The following ARHGAP42 variants were observed in gnomAD, a reference collection of about 807,000 sequenced individuals.
The protein encoded by ARHGAP42 is Rho GTPase activating protein 42, also known as rho GTPase-activating protein 42.
ARHGAP42 carries 63 observed loss-of-function variants against 125.0 expected under a neutral mutation model. The ratio of observed to expected loss-of-function variants is 0.50; its 90% CI spans 0.41 to 0.62. The LOEUF (loss-of-function observed/expected upper bound fraction) is 0.62, where lower values mean the gene tolerates loss of function less well. Ranked by LOEUF, ARHGAP42 falls within the 20% of genes least tolerant of loss-of-function variation. The pLI, the probability that ARHGAP42 is intolerant of heterozygous loss-of-function variation, is 0.00. For missense variants in ARHGAP42, 766 were observed against 1,024.2 expected (o/e 0.75, Z 3.44); for synonymous variants, 339 against 351.0 (o/e 0.97, Z 0.38).
intron 4 of ARHGAP42, among the ~76,000 whole-genome samples, chr11:100,874,774 C>T (rs941364756): frequency 2.2e-4 from 33 of 152,264 alleles, no homozygotes; most frequent in East Asian, 3.9e-4. Context: ...CTTTCCTTCC[C>T]TTTGGGTAGG....
At chr11:100,901,265 T>G (rs574179314) in intron 4 of ARHGAP42, among the ~76,000 whole-genome samples, 1 of 152,336 alleles carries the variant, frequency 6.6e-6, no homozygotes, top group South Asian at 2.1e-4. Flanking sequence ...TATTGCTGCC[T>G]GATCCTTCCT....
chr11:100,694,303 T>C (rs1201646492), intron 1 of ARHGAP42, among the ~76,000 whole-genome samples: 3 of 152,180 alleles, frequency 2.0e-5, no homozygotes, highest in Non-Finnish European at 4.4e-5. Flanking sequence ...TTTCTCTAGA[T>C]TCATAAACAA....
chr11:100,989,307 G>A lies in ARHGAP42; in HGVS notation c.*506G>A, dbSNP rs116031838. 853 of 393,092 alleles carry A rather than the reference G, an allele frequency of 2.2e-3. 9 individuals carry two copies. Among genetic ancestry groups the A allele is most frequent in the African/African-American group, 0.016 (756 of 48,470 alleles). The allele number at this position is 393,092 out of a possible 1,614,324, so 24.4% of individuals were successfully genotyped here. On this transcript the variant is annotated 3_prime_UTR_variant, in exon 24 of 24. Coordinates refer to ENST00000298815, the MANE Select transcript of ARHGAP42 (RefSeq NM_152432.4). ...GTTTTGCTGGTCCTAAACATTTCAA[G>A]GATGTAAGTCTTTGTTTTAATATAA...
At chr11:100,771,791 C>T (rs544824976) in intron 2 of ARHGAP42, among the ~76,000 whole-genome samples, 25 of 152,072 alleles carry the variant, frequency 1.6e-4, no homozygotes, top group South Asian at 1.0e-3. Context: ...TTAGTAGAGA[C>T]GGGGTTTCAC....
intron 12 of ARHGAP42, among the ~76,000 whole-genome samples, chr11:100,952,745 T>TTTTTTTTTTTTTATG (rs1857698136): frequency 6.7e-6 from 1 of 149,276 alleles, no homozygotes; most frequent in Admixed American, 6.7e-5. Context: ...TTTTTTTTTT[T>TTTTTTTTTTTTTATG]GAGATGGAGT....
chr11:100,918,322 A>G (rs549324356), intron 5 of ARHGAP42, among the ~76,000 whole-genome samples: 2 of 152,306 alleles, frequency 1.3e-5, no homozygotes, highest in Admixed American at 6.5e-5. Flanking sequence ...TTGGGAAAAT[A>G]TCCAACAAAT....
intron 1 of ARHGAP42, among the ~76,000 whole-genome samples, chr11:100,766,468 TATG>T (rs1862831958): frequency 6.6e-6 from 1 of 152,244 alleles, no homozygotes; most frequent in South Asian, 2.1e-4. Context: ...GCCTTTCTAT[TATG>T]ATATGGATGA....
At chr11:100,755,122 G>A (rs571600623) in intron 1 of ARHGAP42, among the ~76,000 whole-genome samples, 1 of 152,212 alleles carries the variant, frequency 6.6e-6, no homozygotes, top group African/African-American at 2.4e-5. Flanking sequence ...TGGCAGATTA[G>A]TGAGTTAAAT....
At chr11:100,804,679 A>AT (rs1267087658) in intron 3 of ARHGAP42, among the ~76,000 whole-genome samples, 1 of 151,522 alleles carries the variant, frequency 6.6e-6, no homozygotes, top group Non-Finnish European at 1.5e-5. Context: ...TGCCCAGCTA[A>AT]TTTTTTGTAT....
chr11:100,781,446 T>C (rs1863308559), intron 2 of ARHGAP42, among the ~76,000 whole-genome samples: 2 of 152,214 alleles, frequency 1.3e-5, no homozygotes, highest in Admixed American at 6.5e-5. Context: ...GAAATGATTT[T>C]CTGAAGTCAC....
intron 15 of ARHGAP42, 33 bp downstream of exon 15, chr11:100,961,801 G>A (rs371166855): frequency 6.6e-7 from 1 of 1,523,844 alleles, no homozygotes; most frequent in Non-Finnish European, 8.9e-7. Flanking sequence ...TACTCTGGAT[G>A]TAATCTCTGA....
rs180971862 is a variant in ARHGAP42, at chr11:100,720,757, A to G, written c.154+32925A>G. 7.9e-5 allele frequency among the ~76,000 whole-genome samples: 12 copies of G among 152,288 alleles called. No homozygotes were observed. The East Asian group carries it at 2.3e-3, about 29-fold the overall frequency. ...TATTGCTTTTAAAAGTTTAAAATAT[A>G]CATATATACATGGTCCTTATTAGGC... is the stretch of plus-strand genomic sequence containing the variant. On this transcript the variant is annotated intron_variant, in intron 1 of 23. Coordinates refer to ENST00000298815, the MANE Select transcript of ARHGAP42 (RefSeq NM_152432.4).
chr11:100,823,231 A>C (rs1445570817), intron 3 of ARHGAP42, among the ~76,000 whole-genome samples: 1 of 152,202 alleles, frequency 6.6e-6, no homozygotes, highest in African/African-American at 2.4e-5. Flanking sequence ...ACTGGGAATC[A>C]ACATATTCCT....
intron 2 of ARHGAP42, among the ~76,000 whole-genome samples, chr11:100,776,272 GA>G (rs1419403848): frequency 6.6e-6 from 1 of 152,208 alleles, no homozygotes; most frequent in Admixed American, 6.5e-5. Flanking sequence ...GAAACCATTG[GA>G]AAGTCCAGTT....
At chr11:100,873,528 A>G (rs775174369) in intron 4 of ARHGAP42, among the ~76,000 whole-genome samples, 36 of 152,222 alleles carry the variant, frequency 2.4e-4, no homozygotes, top group Non-Finnish European at 4.3e-4. Context: ...TGAAGGCAGA[A>G]TTAGTGAGAA....
At chr11:100,795,083 A>T in intron 2 of ARHGAP42, 22 bp from the exon 3 acceptor site, 1 of 1,519,380 alleles carries the variant, frequency 6.6e-7, no homozygotes, top group Non-Finnish European at 8.8e-7. Context: ...AATTCTTTGC[A>T]TTTTTTTATC....
At chr11:100,803,744 C>G (rs1863920423) in intron 3 of ARHGAP42, among the ~76,000 whole-genome samples, 1 of 152,192 alleles carries the variant, frequency 6.6e-6, no homozygotes, top group Non-Finnish European at 1.5e-5. Flanking sequence ...AGTATAGTCC[C>G]TGACCTTGAC....
chr11:100,952,696 G>C lies in ARHGAP42; in HGVS notation c.1162+2740G>C, dbSNP rs501831. ...AGAATTTAGCTGCCAGCACCTCTGG[G>C]GTGGACATTGTGGTATTACTAATTC... is the stretch of plus-strand genomic sequence containing the variant. On this transcript the variant is annotated intron_variant, in intron 12 of 23. Transcript: ENST00000298815. Among the ~76,000 whole-genome samples, 36 of 148,430 alleles carry C rather than the reference G, an allele frequency of 2.4e-4. 1 individual carries two copies. Among genetic ancestry groups the C allele is most frequent in the African/African-American group, 9.0e-4 (36 of 40,122 alleles).
chr11:100,756,018 A>G (rs1862568754), intron 1 of ARHGAP42, among the ~76,000 whole-genome samples: 1 of 152,148 alleles, frequency 6.6e-6, no homozygotes, highest in Non-Finnish European at 1.5e-5. Context: ...ATAAAGGTAC[A>G]CTATGACTCA....
Sources: allele counts gnomAD v4.1 joint callset (sites outside exome capture counted in the v4.1 genomes callset), GRCh38; gene constraint gnomAD v4.1.1; transcripts MANE v1.5; gene names NCBI Gene and HGNC (gene_info 2026-07-23, HGNC 2026-07-21).